The following PTCD3 variants were observed in gnomAD, a reference collection of about 807,000 sequenced individuals.
PTCD3 encodes the protein small ribosomal subunit protein mS39.
In PTCD3, 89 loss-of-function variants were observed where a neutral mutation model predicts 101.9. That is an observed-to-expected ratio of 0.87 (90% CI 0.74 to 1.04). PTCD3 has a LOEUF of 1.04. Ranked by LOEUF, PTCD3 falls within the 50% of genes least tolerant of loss-of-function variation. PTCD3 has a pLI of 0.00. For missense variants in PTCD3, 870 were observed against 828.2 expected, an observed-to-expected ratio of 1.05 and a Z score of -0.62; for synonymous variants, 296 against 278.5, an observed-to-expected ratio of 1.06 and a Z score of -0.63.
intron 8 of PTCD3, among the ~76,000 whole-genome samples, chr2:86,123,234 C>A (rs944108927): frequency 2.0e-5 from 3 of 148,660 alleles, no homozygotes; most frequent in Non-Finnish European, 4.4e-5. Context: ...TGCATTCCAA[C>A]CTGGGCGAGA....
rs759944517 is a variant in PTCD3 at position 86,121,603 on chromosome 2, T to A, written c.654+9T>A. 3 of 1,540,066 alleles carry A rather than the reference T, an allele frequency of 1.9e-6. No individual in the cohort carries two copies. Among genetic ancestry groups the A allele is most frequent in the Admixed American group, 4.3e-5 (2 of 46,332 alleles). ...GACAGTCAGAAGCATTGGTAATAAC[T>A]GTTGGCCTTGATTTTTTTTTTTCCT... is the stretch of plus-strand genomic sequence containing the variant. On this transcript the variant is annotated intron_variant, in intron 8 of 23. Coordinates refer to ENST00000254630, the MANE Select transcript of PTCD3 (RefSeq NM_017952.6).
In PTCD3 at chr2:86,133,363, CCAAA is replaced by C. The variant is rs1674526870; in HGVS notation, c.1474_1477del (p.Thr492Ter). 6.2e-7 allele frequency: 1 copy of C among 1,614,112 alleles called. No homozygotes were observed. On this transcript the variant is annotated frameshift_variant, in exon 19 of 24. Transcript: ENST00000254630. LOFTEE classifies it high-confidence loss of function. ...TTAATCAGGCCTACTTTCCCCACTC[CCAAA>C]CAATGATACATCTTCTCCAAGCATT...
rs372906219 is a variant in PTCD3, at chr2:86,106,280, C to A, written c.33C>A (p.Gly11=). MAVVSAVRWL[G]LRSRLGQPLT... is the part of the protein sequence containing the mutation. ...TTGTATCTGCTGTTCGCTGGCTGGGCCTCCGCAGCAGGCTTGGCCAGCCGC... is the reference window on the plus strand; with the variant it reads ...TTGTATCTGCTGTTCGCTGGCTGGGACTCCGCAGCAGGCTTGGCCAGCCGC... The change falls in exon 1 of 24, where the codon GGC becomes GGA. Residue 11 remains glycine (G), a synonymous_variant. Coordinates refer to ENST00000254630, the MANE Select transcript of PTCD3 (RefSeq NM_017952.6). 3 of 1,613,056 alleles carry A rather than the reference C, an allele frequency of 1.9e-6. No individual in the cohort carries two copies. The highest frequency in any genetic ancestry group is 4.5e-5 in the East Asian group (2 of 44,888).
Position 86,133,165 on chromosome 2 carries a change from G to T in PTCD3, c.1374-13G>T, listed in dbSNP as rs1302536834. On this transcript the variant is annotated splice_polypyrimidine_tract_variant and intron_variant, in intron 17 of 23. Transcript: ENST00000254630. ...GGACTTTAGACTAAACATACTTTTTGCCTTCATCACAGTTCCAAGTTCTTC... is the reference window on the plus strand; with the variant it reads ...GGACTTTAGACTAAACATACTTTTTTCCTTCATCACAGTTCCAAGTTCTTC... 2 of 1,608,150 alleles carry T rather than the reference G, an allele frequency of 1.2e-6. No individual in the cohort carries two copies. Among genetic ancestry groups the T allele is most frequent in the Non-Finnish European group, 1.7e-6 (2 of 1,178,322 alleles).
At position 86,134,382 on chromosome 2, in the gene PTCD3, G is replaced by A. The variant is rs1188764364; in HGVS notation, c.1629+5G>A. The A allele has an allele frequency of 1.2e-6, 2 of 1,604,912 alleles. No homozygotes were observed. The highest frequency in any genetic ancestry group is 1.7e-5 in the Admixed American group (1 of 59,950). ...AGGGACAAGCACCCACCAGAGGTAGGCCTGAAACTCACCAGCCAGTATATC... is the reference window on the plus strand; with the variant it reads ...AGGGACAAGCACCCACCAGAGGTAGACCTGAAACTCACCAGCCAGTATATC... On this transcript the variant is annotated splice_donor_5th_base_variant and intron_variant, in intron 20 of 23. Coordinates refer to ENST00000254630, the MANE Select transcript of PTCD3 (RefSeq NM_017952.6).
intron 4 of PTCD3, among the ~76,000 whole-genome samples, chr2:86,114,023 A>G (rs1370881781): frequency 7.5e-6 from 1 of 134,110 alleles, no homozygotes; most frequent in Non-Finnish European, 1.5e-5. Flanking sequence ...CAACATTTCA[A>G]TGAGAATGGC....
chr2:86,132,977 G>T (rs1674519559), intron 17 of PTCD3: 2 of 692,774 alleles, frequency 2.9e-6, no homozygotes, highest in Non-Finnish European at 4.6e-6. Context: ...AGTTAGAAAT[G>T]ACCAGTTGAG....
intron 4 of PTCD3, among the ~76,000 whole-genome samples, chr2:86,115,528 A>C (rs559543989): frequency 2.1e-4 from 32 of 152,330 alleles, no homozygotes; most frequent in Middle Eastern, 3.4e-3. Flanking sequence ...AGCTAGGTCC[A>C]AAATAAAACA....
Position 86,125,469 on chromosome 2 carries a change from G to C in PTCD3, c.819G>C (p.Glu273Asp), listed in dbSNP as rs1389800090. The C allele has an allele frequency of 6.2e-7, 1 of 1,613,254 alleles. No individual in the cohort carries two copies. Among genetic ancestry groups the C allele is most frequent in the South Asian group, 1.1e-5 (1 of 91,070 alleles). The change falls in exon 11 of 24, where the codon GAG (glutamate) becomes GAC (aspartate). Residue 273 changes from glutamate (E) to aspartate (D), a missense_variant. Glu to Asp is a conservative substitution (Grantham distance 45). Coordinates refer to ENST00000254630, the MANE Select transcript of PTCD3 (RefSeq NM_017952.6). ...IRGMVKHRAY[E>D]QALNLYTELL... ...TCCTTTTCCAGCACCGAGCTTATGAGCAGGCATTAAACTTGTACACTGAGT... is the reference window on the plus strand; with the variant it reads ...TCCTTTTCCAGCACCGAGCTTATGACCAGGCATTAAACTTGTACACTGAGT...
chr2:86,135,137 G>A, intron 21 of PTCD3, 150 bp downstream of exon 21: 1 of 788,260 alleles, frequency 1.3e-6, no homozygotes, highest in Non-Finnish European at 2.0e-6. Flanking sequence ...CAAACTTTTG[G>A]AAGAAGACAG....
Position 86,137,467 on chromosome 2 carries a change from A to G in PTCD3, c.1980-2A>G. On this transcript the variant is annotated splice_acceptor_variant, in intron 23 of 23. Coordinates refer to ENST00000254630, the MANE Select transcript of PTCD3 (RefSeq NM_017952.6). LOFTEE classifies it high-confidence loss of function. Reference sequence around the variant, plus strand: ...TAATCCTCCATTTTCTTTTCTTAACAGGGAAGCCCTAAGTAATCTAACTGC... The same window carrying G: ...TAATCCTCCATTTTCTTTTCTTAACGGGGAAGCCCTAAGTAATCTAACTGC... 4 of 1,613,784 alleles carry G rather than the reference A, an allele frequency of 2.5e-6. No individual in the cohort carries two copies. The highest frequency in any genetic ancestry group is 3.4e-6 in the Non-Finnish European group (4 of 1,179,908).
Position 86,111,138 on chromosome 2 carries a change from C to G in PTCD3, c.220C>G (p.Leu74Val). 1.2e-6 allele frequency: 2 copies of G among 1,613,646 alleles called. No individual in the cohort carries two copies. Among genetic ancestry groups the G allele is most frequent in the South Asian group, 1.1e-5 (1 of 91,060 alleles). ...TWDKVAVLQA[L>V]ASTVNRDTTA... ...GGATAAAGTAGCCGTTCTTCAGGCA[C>G]TTGCATCCACAGTAAACAGGGTAAG... is the stretch of plus-strand genomic sequence containing the variant. Residue 74 changes from leucine to valine, a missense_variant, in exon 4 of 24, where the codon CTT becomes GTT. Physicochemically the swap from Leu to Val is conservative, Grantham distance 32 (BLOSUM62 1). Coordinates refer to ENST00000254630, the MANE Select transcript of PTCD3 (RefSeq NM_017952.6).
intron 1 of PTCD3, chr2:86,107,060 G>T: frequency 2.2e-6 from 1 of 460,104 alleles, no homozygotes; most frequent in East Asian, 7.0e-5. Flanking sequence ...CGAAAAGTTT[G>T]TGAGGTATAA....
intron 14 of PTCD3, among the ~76,000 whole-genome samples, chr2:86,130,072 C>T (rs1478587047): frequency 3.3e-5 from 5 of 152,114 alleles, no homozygotes; most frequent in Non-Finnish European, 5.9e-5. Context: ...GAGGCCGAGG[C>T]GGGCAGATCA....
At position 86,135,456 on chromosome 2, in the gene PTCD3, G is replaced by A. The variant is rs76431241; in HGVS notation, c.1778+469G>A. On this transcript the variant is annotated intron_variant, in intron 21 of 23. Transcript: ENST00000254630. ...CTAAACTTGGCCTTGACCACAACCCGTCCTTGATTGGTGCCACTGTGTTCT... is the reference window on the plus strand; with the variant it reads ...CTAAACTTGGCCTTGACCACAACCCATCCTTGATTGGTGCCACTGTGTTCT... Among the ~76,000 whole-genome samples, 480 of 152,294 alleles carry A rather than the reference G, an allele frequency of 3.2e-3. 1 individual carries two copies. Among genetic ancestry groups the A allele is most frequent in the African/African-American group, 0.011 (439 of 41,564 alleles).
chr2:86,134,277 C>G lies in PTCD3; in HGVS notation c.1544-15C>G. ...ACATAACAATGATCACTCCTTGTTC[C>G]TTTCTTGTTTCAAGATAGTAAAGAA... On this transcript the variant is annotated splice_polypyrimidine_tract_variant and intron_variant, in intron 19 of 23. Coordinates refer to ENST00000254630, the MANE Select transcript of PTCD3 (RefSeq NM_017952.6). 6.3e-7 allele frequency: 1 copy of G among 1,577,994 alleles called. No homozygotes were observed. The highest frequency in any genetic ancestry group is 1.1e-5 in the South Asian group (1 of 89,968).
rs376492009 is a variant in PTCD3 at position 86,121,475 on chromosome 2, A to G, written c.539-4A>G. On this transcript the variant is annotated splice_polypyrimidine_tract_variant and splice_region_variant and intron_variant, in intron 7 of 23. Coordinates refer to ENST00000254630, the MANE Select transcript of PTCD3 (RefSeq NM_017952.6). ...TTCTTTATCTTTCTGTCTCTTACCC[A>G]CAGGAACCACTGTGTCTCTTGAAAC... 2.7e-5 allele frequency: 43 copies of G among 1,567,094 alleles called. No individual in the cohort carries two copies. The Middle Eastern group carries it at 5.1e-4, about 19-fold the overall frequency.
intron 6 of PTCD3, 103 bp downstream of exon 6, chr2:86,117,262 A>G (rs542789161): frequency 3.6e-6 from 2 of 559,356 alleles, no homozygotes; most frequent in South Asian, 3.0e-5. Context: ...TACCCTCAAT[A>G]TTTGGATGAT....
intron 3 of PTCD3, 148 bp from the exon 4 acceptor site, chr2:86,110,965 T>C (rs777500529): frequency 4.5e-5 from 36 of 804,258 alleles, no homozygotes; most frequent in Non-Finnish European, 6.9e-5. Context: ...TCTTAATTTC[T>C]AATTTATTCT....
Sources: gnomAD v4.1 joint callset for allele counts (sites outside exome capture counted in the v4.1 genomes callset) on GRCh38, gnomAD v4.1.1 for gene constraint, MANE v1.5 for transcripts, NCBI Gene and HGNC (gene_info 2026-07-23, HGNC 2026-07-21) for gene names.